Variants in NRP1 observed in about 807,000 individuals in gnomAD.
NRP1 encodes the protein neuropilin-1.
In NRP1, 35 loss-of-function variants were observed where a neutral mutation model predicts 106.7. That is an observed-to-expected ratio of 0.33 (90% CI 0.25 to 0.43). The LOEUF (loss-of-function observed/expected upper bound fraction) is 0.43, where lower values mean the gene tolerates loss of function less well. Among genes scored for constraint, NRP1 ranks in the 20% least tolerant of loss-of-function variants. The pLI, the probability that NRP1 is intolerant of heterozygous loss-of-function variation, is 1.00. For missense variants in NRP1, 1,024 were observed against 1,170.4 expected (o/e 0.87, Z 1.83); for synonymous variants, 437 against 417.9 (o/e 1.05, Z -0.56).
chr10:33,298,970 T>C (rs1337758533), intron 2 of NRP1, among the ~76,000 whole-genome samples: 1 of 152,146 alleles, frequency 6.6e-6, no homozygotes. Context: ...TGAGCACTTA[T>C]TTGTGCTGGG....
intron 2 of NRP1, among the ~76,000 whole-genome samples, chr10:33,320,677 T>C (rs1459469764): frequency 6.6e-6 from 1 of 152,226 alleles, no homozygotes; most frequent in African/African-American, 2.4e-5. Context: ...CATTGCGGTT[T>C]TTCACCTCAA....
At chr10:33,195,658 G>C in intron 12 of NRP1, 1 of 502,282 alleles carries the variant, frequency 2.0e-6, no homozygotes, top group Non-Finnish European at 4.1e-6. Flanking sequence ...CCCCTGGCTT[G>C]AAGCATGCTC....
chr10:33,324,469 G>A (rs1358523432), intron 2 of NRP1, among the ~76,000 whole-genome samples: 3 of 152,190 alleles, frequency 2.0e-5, no homozygotes, highest in Non-Finnish European at 4.4e-5. Context: ...TAATAAAGCA[G>A]GCTCCAGATT....
rs1205239173 is a variant in NRP1 at position 33,192,180 on chromosome 10, C to T, written c.2062+101G>A. The stretch of plus-strand genomic sequence containing the variant: ...ATGTGAACGCCTGTAGTAATTCCTA[C>T]CCGCCCTAAATTCACAGACATTAGA... On this transcript the variant is annotated intron_variant, in intron 13 of 16. Transcript: ENST00000374867. The T allele has an allele frequency of 5.4e-6, 7 of 1,295,500 alleles. No individual in the cohort carries two copies. The Admixed American group carries it at 1.1e-4, about 21-fold the overall frequency. The allele number at this position is 1,295,500 out of a possible 1,614,324, so 80.3% of individuals were successfully genotyped here. A position where few individuals can be genotyped will look rare whatever the true frequency, so the allele number is the denominator to read the frequency against.
chr10:33,330,992 C>T (rs937492017), intron 1 of NRP1, 110 bp from the exon 2 acceptor site: 2 of 920,678 alleles, frequency 2.2e-6, no homozygotes, highest in South Asian at 3.7e-5. Flanking sequence ...TTAAGGGGAA[C>T]TCTAAAAGGT....
At position 33,226,308 on chromosome 10, in the gene NRP1, C is replaced by A. The variant is rs778973864; in HGVS notation, c.982-19G>T. The A allele has an allele frequency of 5.0e-6, 8 of 1,613,660 alleles. No homozygotes were observed. Among genetic ancestry groups the A allele is most frequent in the Non-Finnish European group, 6.8e-6 (8 of 1,179,848 alleles). On this transcript the variant is annotated intron_variant, in intron 6 of 16. Transcript: ENST00000374867. ...AGTCTACCTGCAAGACAAGTACAAGCGTGGTCAGTGCACCATCCCTGCAGC... is the reference window on the plus strand; with the variant it reads ...AGTCTACCTGCAAGACAAGTACAAGAGTGGTCAGTGCACCATCCCTGCAGC...
chr10:33,303,982 T>C (rs1057424134), intron 2 of NRP1, among the ~76,000 whole-genome samples: 1 of 152,192 alleles, frequency 6.6e-6, no homozygotes, highest in Admixed American at 6.5e-5. Flanking sequence ...GAAATGTAGG[T>C]TCTGATTTTT....
chr10:33,264,260 A>T (rs1842769805), intron 3 of NRP1, among the ~76,000 whole-genome samples: 1 of 152,250 alleles, frequency 6.6e-6, no homozygotes, highest in South Asian at 2.1e-4. Context: ...TTTATTGGTG[A>T]AATAGAACAT....
chr10:33,234,685 C>T (rs940379910), intron 6 of NRP1, among the ~76,000 whole-genome samples: 3 of 152,080 alleles, frequency 2.0e-5, no homozygotes, highest in African/African-American at 4.8e-5. Flanking sequence ...AGAAGAACAG[C>T]GCAAGGCAGG....
At chr10:33,271,113 G>A (rs982958766) in intron 2 of NRP1, among the ~76,000 whole-genome samples, 1 of 152,166 alleles carries the variant, frequency 6.6e-6, no homozygotes, top group Non-Finnish European at 1.5e-5. Context: ...TGCAGACAAT[G>A]TCAGTTAAAG....
chr10:33,239,893 C>T (rs1840883927), intron 6 of NRP1, among the ~76,000 whole-genome samples: 1 of 152,192 alleles, frequency 6.6e-6, no homozygotes, highest in Non-Finnish European at 1.5e-5. Context: ...CAGACTTCTC[C>T]CATACCCTTC....
chr10:33,281,176 A>C (rs2133372744), intron 2 of NRP1, among the ~76,000 whole-genome samples: 1 of 152,038 alleles, frequency 6.6e-6, no homozygotes, highest in South Asian at 2.1e-4. Flanking sequence ...CAGCCTCCCA[A>C]GTAGCTGGGA....
chr10:33,243,501 T>C (rs1327412281), intron 6 of NRP1, among the ~76,000 whole-genome samples: 1 of 152,224 alleles, frequency 6.6e-6, no homozygotes, highest in African/African-American at 2.4e-5. Context: ...AAGGAGCTTA[T>C]TTATTTATTT....
intron 12 of NRP1, among the ~76,000 whole-genome samples, chr10:33,192,644 T>A (rs1267246865): frequency 1.3e-5 from 2 of 152,172 alleles, no homozygotes; most frequent in African/African-American, 4.8e-5. Context: ...AATCCAGCTT[T>A]AAAAGGATTA....
At chr10:33,306,355 G>GGGGT (rs1554808824) in intron 2 of NRP1, among the ~76,000 whole-genome samples, 2 of 148,136 alleles carry the variant, frequency 1.4e-5, no homozygotes, top group African/African-American at 2.5e-5. Flanking sequence ...GGGTCAGAAG[G>GGGGT]GTGTGTGTGT....
intron 10 of NRP1, among the ~76,000 whole-genome samples, chr10:33,206,819 C>A (rs1037410632): frequency 6.6e-6 from 1 of 152,184 alleles, no homozygotes; most frequent in Non-Finnish European, 1.5e-5. Flanking sequence ...TCAAAACATT[C>A]ATTTCATTCA....
intron 7 of NRP1, among the ~76,000 whole-genome samples, chr10:33,223,489 G>A (rs557880249): frequency 6.6e-6 from 1 of 152,100 alleles, no homozygotes; most frequent in Non-Finnish European, 1.5e-5. Context: ...GCCAGGTATG[G>A]TGGTGGTGCA....
intron 8 of NRP1, among the ~76,000 whole-genome samples, chr10:33,221,227 G>A (rs1042370496): frequency 6.6e-6 from 1 of 152,166 alleles, no homozygotes; most frequent in African/African-American, 2.4e-5. Flanking sequence ...AAGAAACAAA[G>A]AAATAAATAA....
At chr10:33,325,427 TAAAG>T (rs912787868) in intron 2 of NRP1, among the ~76,000 whole-genome samples, 1 of 151,896 alleles carries the variant, frequency 6.6e-6, no homozygotes, top group Non-Finnish European at 1.5e-5. Flanking sequence ...CTAGTAATAA[TAAAG>T]AAAGATTAAA....
Sources: gnomAD v4.1 joint callset for allele counts (sites outside exome capture counted in the v4.1 genomes callset) on GRCh38, gnomAD v4.1.1 for gene constraint, MANE v1.5 for transcripts, NCBI Gene and HGNC (gene_info 2026-07-23, HGNC 2026-07-21) for gene names.